The following CDKL3 variants were observed in gnomAD, a reference collection of about 807,000 sequenced individuals.
CDKL3 encodes cyclin dependent kinase like 3, also known as cyclin-dependent kinase-like 3.
CDKL3 carries 65 observed loss-of-function variants against 69.3 expected under a neutral mutation model. The observed-to-expected ratio is 0.94, with a 90% CI of 0.77 to 1.15. The LOEUF is 1.15. CDKL3 is among the 50% of genes most tolerant of loss of function. CDKL3 has a pLI of 0.00. For missense variants in CDKL3, 652 were observed against 689.2 expected (o/e 0.95, Z 0.61); for synonymous variants, 202 against 221.6 (o/e 0.91, Z 0.79).
intron 10 of CDKL3, 51 bp from the exon 11 acceptor site, chr5:134,304,618 G>A (rs1767242392): frequency 6.9e-7 from 1 of 1,456,540 alleles, no homozygotes; most frequent in Non-Finnish European, 9.3e-7. Context: ...ACTATTTGTA[G>A]AATGACAATC....
intron 3 of CDKL3, among the ~76,000 whole-genome samples, chr5:134,354,985 T>C (rs1342467040): frequency 6.6e-6 from 1 of 150,924 alleles, no homozygotes; most frequent in Non-Finnish European, 1.5e-5. Context: ...CTGGGCATGA[T>C]AGCTCATGCC....
intron 6 of CDKL3, 28 bp from the exon 7 acceptor site, chr5:134,312,408 T>TGAGCCCTGTTGA: frequency 3.0e-6 from 4 of 1,328,268 alleles, no homozygotes; most frequent in Non-Finnish European, 4.2e-6. Flanking sequence ...TTTTAATAAG[T>TGAGCCCTGTTGA]GAGCTCTCAA....
chr5:134,316,980 T>C (rs1022625998), intron 6 of CDKL3, among the ~76,000 whole-genome samples: 2 of 152,164 alleles, frequency 1.3e-5, no homozygotes, highest in African/African-American at 4.8e-5. Context: ...CTGTGTATTT[T>C]ATATTTTTTC....
intron 8 of CDKL3, among the ~76,000 whole-genome samples, chr5:134,289,394 C>A (rs1765024295): frequency 6.6e-6 from 1 of 152,086 alleles, no homozygotes; most frequent in South Asian, 2.1e-4. Flanking sequence ...CATGAGGCAT[C>A]AGATGCTTTT....
At position 134,308,194 on chromosome 5, in the gene CDKL3, A is replaced by G. The variant is rs1369538453; in HGVS notation, c.1308T>C (p.Thr436=). Residue 436 remains threonine (T), a synonymous_variant, in exon 9 of 13, where the codon ACT becomes ACC. Coordinates refer to ENST00000265334, the MANE Select transcript of CDKL3 (RefSeq NM_001113575.2). ...GSVTMPPINL[T]NSNLMAANLS... is the part of the protein sequence containing the mutation. ...GATTTGCAGCCATCAAATTACTGTTAGTTAGATTGATGGGTGGCATTGTCA... is the reference window on the plus strand; with the variant it reads ...GATTTGCAGCCATCAAATTACTGTTGGTTAGATTGATGGGTGGCATTGTCA... 1.2e-6 allele frequency: 2 copies of G among 1,613,748 alleles called. No homozygotes were observed. The highest frequency in any genetic ancestry group is 2.7e-5 in the African/African-American group (2 of 74,930).
intron 12 of CDKL3, among the ~76,000 whole-genome samples, chr5:134,300,910 C>T (rs1020766662): frequency 5.9e-5 from 9 of 152,042 alleles, no homozygotes; most frequent in Non-Finnish European, 1.2e-4. Context: ...TGCTGTGCAA[C>T]GTGCTGTGAC....
At chr5:134,333,499 T>C (rs1776304652) in intron 4 of CDKL3, among the ~76,000 whole-genome samples, 1 of 152,224 alleles carries the variant, frequency 6.6e-6, no homozygotes, top group Non-Finnish European at 1.5e-5. Context: ...CAATACCTAG[T>C]TTATTCAGAG....
At chr5:134,288,469 T>C (rs1289127137) in intron 8 of CDKL3, among the ~76,000 whole-genome samples, 2 of 152,216 alleles carry the variant, frequency 1.3e-5, no homozygotes, top group East Asian at 3.8e-4. Context: ...AAACACTTTA[T>C]GCCTGCAGAA....
chr5:134,321,075 C>T (rs1772649536), intron 5 of CDKL3, among the ~76,000 whole-genome samples: 1 of 132,902 alleles, frequency 7.5e-6, no homozygotes. Flanking sequence ...GTGGCGTGAT[C>T]GTGGCTCACT....
rs1443296754 is a variant in CDKL3 at position 134,319,516 on chromosome 5, G to A, written c.653-19C>T. On this transcript the variant is annotated intron_variant, in intron 5 of 12. Coordinates refer to ENST00000265334, the MANE Select transcript of CDKL3 (RefSeq NM_001113575.2). Reference sequence around the variant, plus strand: ...AAATTGCCTGAAAAGAGAAAAAAATGTATATTTAAAAAACAGAGAAATAGT... The same window carrying A: ...AAATTGCCTGAAAAGAGAAAAAAATATATATTTAAAAAACAGAGAAATAGT... 27 of 1,506,734 alleles carry A rather than the reference G, an allele frequency of 1.8e-5. No homozygotes were observed. The highest frequency in any genetic ancestry group is 2.1e-5 in the Non-Finnish European group (24 of 1,128,192). 93.3% of individuals were successfully genotyped at this position (1,506,734 alleles called of 1,614,324 possible). A position where few individuals can be genotyped will look rare whatever the true frequency, so the allele number is the denominator to read the frequency against.
At chr5:134,335,224 G>A (rs1776780073) in intron 4 of CDKL3, among the ~76,000 whole-genome samples, 1 of 149,136 alleles carries the variant, frequency 6.7e-6, no homozygotes, top group African/African-American at 2.5e-5. Flanking sequence ...GTCTTTGCAT[G>A]TGAGATGGGT....
intron 12 of CDKL3, among the ~76,000 whole-genome samples, chr5:134,301,386 C>T (rs1186201187): frequency 6.6e-6 from 1 of 152,140 alleles, no homozygotes; most frequent in Non-Finnish European, 1.5e-5. Context: ...AAAGAGATAG[C>T]CCTAAATGTC....
At position 134,350,254 on chromosome 5, in the gene CDKL3, A is replaced by C. The variant is rs1315515937; in HGVS notation, c.534T>G (p.Tyr178Ter). Reference protein sequence around the residue: ...APELVLKDTSYGKPVDIWALG... With the variant: ...APELVLKDTS ...GGATCCCAAAATACACATACTTTCC[A>C]TAAGAAGTATCTTTTAATACTAATT... The change falls in exon 4 of 13, where the codon TAT becomes TAG. Residue 178 changes from tyrosine (Y) to a stop codon, truncating the protein, a stop_gained. Coordinates refer to ENST00000265334, the MANE Select transcript of CDKL3 (RefSeq NM_001113575.2). LOFTEE classifies it high-confidence loss of function. The C allele has an allele frequency of 1.3e-6, 2 of 1,560,186 alleles. No individual in the cohort carries two copies. Among genetic ancestry groups the C allele is most frequent in the Non-Finnish European group, 1.7e-6 (2 of 1,154,918 alleles).
chr5:134,366,430 T>G lies in CDKL3; in HGVS notation c.94A>C (p.Ile32Leu). Residue 32 changes from isoleucine (I) to leucine (L), a missense_variant, in exon 2 of 13, where the codon ATT becomes CTT. By Grantham distance (5) the Ile-to-Leu change is conservative. Coordinates refer to ENST00000265334, the MANE Select transcript of CDKL3 (RefSeq NM_001113575.2). ...TCTGGTCTCTCATAAAATATCTTAA[T>G]GGCCACTATCTGCCCAGTATTCTTA... ...KHKNTGQIVA[I>L]KIFYERPEQS... 1 of 1,605,146 alleles carries G rather than the reference T, an allele frequency of 6.2e-7. No individual in the cohort carries two copies. Among genetic ancestry groups the G allele is most frequent in the South Asian group, 1.1e-5 (1 of 88,958 alleles).
chr5:134,343,781 T>C (rs1017235320), intron 4 of CDKL3, among the ~76,000 whole-genome samples: 10 of 152,178 alleles, frequency 6.6e-5, no homozygotes, highest in African/African-American at 2.4e-4. Flanking sequence ...CAATCAGAAC[T>C]CCCAGCTCAC....
At chr5:134,344,455 C>A (rs541852042) in intron 4 of CDKL3, among the ~76,000 whole-genome samples, 6 of 151,974 alleles carry the variant, frequency 3.9e-5, no homozygotes, top group Admixed American at 3.3e-4. Context: ...AATAAAAAGA[C>A]AACTCATTTT....
chr5:134,299,651 C>T (rs1765832917), intron 12 of CDKL3: 1 of 1,514,998 alleles, frequency 6.6e-7, no homozygotes, highest in Non-Finnish European at 8.8e-7. Context: ...TTTAAAAAAC[C>T]ATACAGTGAT....
intron 4 of CDKL3, among the ~76,000 whole-genome samples, chr5:134,346,000 C>T (rs1003820449): frequency 3.7e-4 from 57 of 152,180 alleles, no homozygotes; most frequent in African/African-American, 1.2e-3. Flanking sequence ...CAAAATCTCT[C>T]TGACCTTCTC....
At chr5:134,285,291 C>T (rs1208181636), downstream of CDKL3, among the ~76,000 whole-genome samples, 1 of 152,222 alleles carries the variant, frequency 6.6e-6, no homozygotes, top group East Asian at 1.9e-4. Context: ...GGGCCCCACC[C>T]CTGCAGCAAA....
Sources: gnomAD v4.1 joint callset for allele counts (sites outside exome capture counted in the v4.1 genomes callset) on GRCh38, gnomAD v4.1.1 for gene constraint, MANE v1.5 for transcripts, NCBI Gene and HGNC (gene_info 2026-07-23, HGNC 2026-07-21) for gene names.